The following DLG2 variants were observed in gnomAD, a reference collection of about 807,000 sequenced individuals.
DLG2 encodes disks large homolog 2.
A neutral mutation model predicts 132.5 loss-of-function variants in DLG2; 45 were observed. The ratio of observed to expected loss-of-function variants is 0.34; its 90% CI spans 0.27 to 0.44. The LOEUF is 0.44. Ranked by LOEUF, DLG2 falls within the 20% of genes least tolerant of loss-of-function variation. The pLI is 1.00. For synonymous variants in DLG2, 424 were observed against 419.6 expected, an observed-to-expected ratio of 1.01 and a Z score of -0.13; for missense variants, 1,045 against 1,196.9, an observed-to-expected ratio of 0.87 and a Z score of 1.87.
At chr11:84,473,352 T>C (rs2099113490) in intron 7 of DLG2, among the ~76,000 whole-genome samples, 3 of 151,976 alleles carry the variant, frequency 2.0e-5, no homozygotes. Flanking sequence ...TACCTCCTGA[T>C]ACAAAAAGAT....
intron 15 of DLG2, among the ~76,000 whole-genome samples, chr11:83,928,769 A>T (rs2079520073): frequency 3.3e-5 from 5 of 152,116 alleles, no homozygotes; most frequent in Non-Finnish European, 7.4e-5. Flanking sequence ...CTACCTCAAA[A>T]AATTATTGTG....
intron 6 of DLG2, among the ~76,000 whole-genome samples, chr11:84,867,972 G>A (rs2084855665): frequency 6.6e-6 from 1 of 151,982 alleles, no homozygotes; most frequent in South Asian, 2.1e-4. Context: ...TACTCGGGAG[G>A]CCGAGGCAGG....
chr11:85,057,357 A>G (rs2063559708), intron 6 of DLG2, among the ~76,000 whole-genome samples: 1 of 151,674 alleles, frequency 6.6e-6, no homozygotes, highest in South Asian at 2.1e-4. Flanking sequence ...GTAAAAAATA[A>G]AACATCACTT....
At chr11:84,339,074 C>G (rs1384990547) in intron 7 of DLG2, among the ~76,000 whole-genome samples, 1 of 152,072 alleles carries the variant, frequency 6.6e-6, no homozygotes, top group Non-Finnish European at 1.5e-5. Flanking sequence ...TGAGCATGTA[C>G]ATTTACATAT....
chr11:85,061,709 A>T (rs1035401290), intron 6 of DLG2, among the ~76,000 whole-genome samples: 5 of 151,948 alleles, frequency 3.3e-5, no homozygotes, highest in Admixed American at 2.0e-4. Flanking sequence ...GACAAATTCC[A>T]TCACTAAGTT....
chr11:84,300,669 A>G (rs1383397036), intron 7 of DLG2, among the ~76,000 whole-genome samples: 5 of 152,210 alleles, frequency 3.3e-5, no homozygotes, highest in African/African-American at 1.2e-4. Flanking sequence ...GTATTATAGA[A>G]GACATCATAA....
chr11:83,812,362 T>TA (rs146346236), intron 17 of DLG2, among the ~76,000 whole-genome samples: 4,576 of 152,300 alleles, frequency 0.03, 104 homozygotes, highest in Middle Eastern at 0.085. Context: ...GTCCATCTGA[T>TA]ATGGCCTCAA....
chr11:83,658,140 C>G (rs1483321382), intron 18 of DLG2, among the ~76,000 whole-genome samples: 2 of 152,192 alleles, frequency 1.3e-5, no homozygotes, highest in African/African-American at 4.8e-5. Flanking sequence ...AATTTTACTC[C>G]AGCCTCATAA....
chr11:85,383,099 C>G (rs2086029845), intron 3 of DLG2, among the ~76,000 whole-genome samples: 1 of 152,018 alleles, frequency 6.6e-6, no homozygotes, highest in South Asian at 2.1e-4. Context: ...AGCTGATGAA[C>G]AGATAAATAA....
At chr11:84,913,364 A>G (rs911513717) in intron 6 of DLG2, among the ~76,000 whole-genome samples, 4 of 152,156 alleles carry the variant, frequency 2.6e-5, no homozygotes, top group African/African-American at 9.7e-5. Context: ...CTCACCATAT[A>G]TATTTTTTTC....
intron 5 of DLG2, among the ~76,000 whole-genome samples, chr11:85,137,685 C>T (rs1302710190): frequency 6.6e-6 from 1 of 152,136 alleles, no homozygotes; most frequent in Non-Finnish European, 1.5e-5. Flanking sequence ...GGAATGGACT[C>T]CACATTAGAA....
intron 3 of DLG2, among the ~76,000 whole-genome samples, chr11:85,306,499 G>T (rs939143670): frequency 6.6e-6 from 1 of 152,228 alleles, no homozygotes; most frequent in Admixed American, 6.5e-5. Flanking sequence ...GCTGCTGCCA[G>T]GTGAATGGGG....
chr11:84,769,969 T>C (rs770870496), intron 6 of DLG2, among the ~76,000 whole-genome samples: 32 of 152,188 alleles, frequency 2.1e-4, no homozygotes, highest in Non-Finnish European at 3.4e-4. Flanking sequence ...GATCTCGGTA[T>C]AGTTCAGATA....
At chr11:85,510,615 T>C (rs956128770) in intron 3 of DLG2, among the ~76,000 whole-genome samples, 3 of 151,876 alleles carry the variant, frequency 2.0e-5, no homozygotes, top group Non-Finnish European at 4.4e-5. Flanking sequence ...AAAAAACACA[T>C]GAAAAATGCT....
chr11:84,836,355 T>C (rs78830116), intron 6 of DLG2, among the ~76,000 whole-genome samples: 44 of 151,856 alleles, frequency 2.9e-4, no homozygotes, highest in Middle Eastern at 3.4e-3. Flanking sequence ...GTCACTTACT[T>C]CATTTAAATT....
At chr11:84,217,427 G>A (rs12295451) in intron 8 of DLG2, among the ~76,000 whole-genome samples, 13 of 152,180 alleles carry the variant, frequency 8.5e-5, no homozygotes, top group Middle Eastern at 3.4e-3. Flanking sequence ...CTTGTCTGCC[G>A]CCAAGTGAGA....
intron 6 of DLG2, among the ~76,000 whole-genome samples, chr11:84,706,836 C>A (rs1405942146): frequency 1.3e-5 from 2 of 151,732 alleles, no homozygotes; most frequent in East Asian, 3.9e-4. Context: ...TTTTCCAAAA[C>A]TGCTTCAGAG....
intron 19 of DLG2, among the ~76,000 whole-genome samples, chr11:83,585,081 A>T (rs1460057052): frequency 6.6e-6 from 1 of 152,228 alleles, no homozygotes; most frequent in Non-Finnish European, 1.5e-5. Context: ...TGGTAGCATT[A>T]TTGCAAATAT....
At chr11:84,454,942 G>T (rs1049473443) in intron 7 of DLG2, among the ~76,000 whole-genome samples, 6 of 151,224 alleles carry the variant, frequency 4.0e-5, no homozygotes, top group African/African-American at 1.5e-4. Flanking sequence ...TATATGTCAA[G>T]ATCTATCAGA....
Sources: allele counts gnomAD v4.1 joint callset (sites outside exome capture counted in the v4.1 genomes callset), GRCh38; gene constraint gnomAD v4.1.1; transcripts MANE v1.5; gene names NCBI Gene and HGNC (gene_info 2026-07-23, HGNC 2026-07-21).